The following TRIM26 variants were observed in gnomAD, a reference collection of about 807,000 sequenced individuals.
TRIM26 encodes tripartite motif-containing protein 26.
In TRIM26, 16 loss-of-function variants were observed where a neutral mutation model predicts 45.5. That is an observed-to-expected ratio of 0.35 (90% CI 0.24 to 0.53). The LOEUF (loss-of-function observed/expected upper bound fraction) is 0.53, where lower values mean the gene tolerates loss of function less well. Among genes scored for constraint, TRIM26 ranks in the 20% least tolerant of loss-of-function variants. The pLI, the probability that TRIM26 is intolerant of heterozygous loss-of-function variation, is 0.92. For missense variants in TRIM26, 442 were observed against 691.1 expected (o/e 0.64, Z 4.04); for synonymous variants, 273 against 290.4 (o/e 0.94, Z 0.61).
At chr6:30,203,193 A>G (rs1117487) in intron 2 of TRIM26, among the ~76,000 whole-genome samples, 35,356 of 151,410 alleles carry the variant, frequency 0.23, 4,691 homozygotes, top group African/African-American at 0.35. Context: ...ACAGGTGCAT[A>G]CTACCACACT....
intron 1 of TRIM26, among the ~76,000 whole-genome samples, chr6:30,212,786 CCA>C (rs1467106928): frequency 6.6e-6 from 1 of 151,956 alleles, no homozygotes; most frequent in African/African-American, 2.4e-5. Flanking sequence ...CCCATTTACT[CCA>C]CAGAGTTAAA....
chr6:30,185,874 G>A lies in TRIM26; in HGVS notation c.*2C>T. On this transcript the variant is annotated 3_prime_UTR_variant, in exon 10 of 10. Coordinates refer to ENST00000454678, the MANE Select transcript of TRIM26 (RefSeq NM_003449.5). This position sits in a 1 kb window ranked among gnomAD's most constrained non-coding sequence, Gnocchi z 5.7. ...GTTGGGGCTGGGGGCAGATGTCAGG[G>A]CTCAGGGTCTTAGCAGGAGGCGTGT... 1 of 1,608,460 alleles carries A rather than the reference G, an allele frequency of 6.2e-7. No individual in the cohort carries two copies. The highest frequency in any genetic ancestry group is 8.5e-7 in the Non-Finnish European group (1 of 1,177,186).
chr6:30,211,599 G>A (rs895341374), intron 1 of TRIM26, among the ~76,000 whole-genome samples: 1 of 152,136 alleles, frequency 6.6e-6, no homozygotes, highest in African/African-American at 2.4e-5. Context: ...CTTAACAAGG[G>A]GAAAATATTT....
At chr6:30,194,875 G>A (rs539849959) in intron 6 of TRIM26, among the ~76,000 whole-genome samples, 1 of 152,276 alleles carries the variant, frequency 6.6e-6, no homozygotes, top group Non-Finnish European at 1.5e-5. Flanking sequence ...CAGCCTGGGA[G>A]ACAGAGCGAG....
Position 30,185,888 on chromosome 6 carries a change from C to G in TRIM26, c.1608G>C (p.Leu536=), listed in dbSNP as rs199881783. 195 of 1,611,680 alleles carry G rather than the reference C, an allele frequency of 1.2e-4. 2 individuals carry two copies. The highest frequency in any genetic ancestry group is 8.5e-4 in the South Asian group (77 of 90,878). Residue 536 remains leucine (L), a synonymous_variant, in exon 10 of 10, where the codon CTG becomes CTC. Coordinates refer to ENST00000454678, the MANE Select transcript of TRIM26 (RefSeq NM_003449.5). The surrounding 1 kb of genome is among the most constrained non-coding windows in gnomAD (Gnocchi z 5.7). ...CAGATGTCAGGGCTCAGGGTCTTAGCAGGAGGCGTGTTCCTGGCCACTTGA... is the reference window on the plus strand; with the variant it reads ...CAGATGTCAGGGCTCAGGGTCTTAGGAGGAGGCGTGTTCCTGGCCACTTGA... ...LWLKWPGTRL[L]LRP is the part of the protein sequence containing the mutation.
At chr6:30,205,337 TC>T (rs1168013205) in intron 1 of TRIM26, among the ~76,000 whole-genome samples, 1 of 152,142 alleles carries the variant, frequency 6.6e-6, no homozygotes, top group African/African-American at 2.4e-5. Flanking sequence ...CCTGGTACCC[TC>T]CTCACAGGCA....
At chr6:30,187,361 C>T (rs1476946061) in intron 9 of TRIM26, 2 of 329,770 alleles carry the variant, frequency 6.1e-6, no homozygotes, top group Non-Finnish European at 1.3e-5. Flanking sequence ...TTCAGGCATT[C>T]GGCAACTCCT....
rs1775758524 is a variant in TRIM26 at position 30,190,875 on chromosome 6, C to T, written c.766-840G>A. 6.6e-6 allele frequency among the ~76,000 whole-genome samples: 1 copy of T among 152,154 alleles called. No homozygotes were observed. The highest frequency in any genetic ancestry group is 6.5e-5 in the Admixed American group (1 of 15,284). On this transcript the variant is annotated intron_variant, in intron 6 of 9. Transcript: ENST00000454678. The surrounding 1 kb of genome is among the most constrained non-coding windows in gnomAD (Gnocchi z 4.3). ...GCTACTGTGATAGCTCTAGACCCTG[C>T]ACCTCTGAACTGTTAACTGAGGCAG...
chr6:30,186,646 T>C lies in TRIM26; in HGVS notation c.938-88A>G. The C allele has an allele frequency of 6.3e-6, 9 of 1,426,850 alleles. No homozygotes were observed. The highest frequency in any genetic ancestry group is 7.4e-6 in the Non-Finnish European group (8 of 1,085,022). The allele number at this position is 1,426,850 out of a possible 1,614,324, so 88.4% of individuals were successfully genotyped here. On this transcript the variant is annotated intron_variant, in intron 9 of 9. Coordinates refer to ENST00000454678, the MANE Select transcript of TRIM26 (RefSeq NM_003449.5). The surrounding 1 kb of genome is among the most constrained non-coding windows in gnomAD (Gnocchi z 7.4). Reference sequence around the variant, plus strand: ...AGGGAATAAAATTTATTTTGGCAGATAGCGTTAAACAAAATTAAAGTTGCA... The same window carrying C: ...AGGGAATAAAATTTATTTTGGCAGACAGCGTTAAACAAAATTAAAGTTGCA...
In TRIM26 at chr6:30,209,124, G is replaced by A. The variant is rs1778027928; in HGVS notation, c.-376+4181C>T. Among the ~76,000 whole-genome samples the A allele has an allele frequency of 6.6e-6, 1 of 152,050 alleles. No individual in the cohort carries two copies. The highest frequency in any genetic ancestry group is 2.4e-5 in the African/African-American group (1 of 41,372). ...CCAGCTTCTGTTCTTCTTTCCCTTG[G>A]TAACTTACCATCTATGAGTTAGTGA... On this transcript the variant is annotated intron_variant, in intron 1 of 9. Transcript: ENST00000454678. The surrounding 1 kb of genome is among the most constrained non-coding windows in gnomAD (Gnocchi z 4.8).
chr6:30,198,834 T>C lies in TRIM26; in HGVS notation c.270A>G (p.Gly90=). The change falls in exon 4 of 10, where the codon GGA becomes GGG. Residue 90 remains glycine, a synonymous_variant. Transcript: ENST00000454678. This position sits in a 1 kb window ranked among gnomAD's most constrained non-coding sequence, Gnocchi z 6.3. ...CATCCTGCTGCTCCCGGGTCACCTC[T>C]CCCGGCTGCCTGCCCTTGTCCACCT... ...RLKVDKGRQP[G]EVTREQQDAK... The C allele has an allele frequency of 6.2e-7, 1 of 1,612,658 alleles. No individual in the cohort carries two copies. The highest frequency in any genetic ancestry group is 8.5e-7 in the Non-Finnish European group (1 of 1,179,984).
chr6:30,193,069 T>TATATATGTATATATAC (rs1364737777), intron 6 of TRIM26, among the ~76,000 whole-genome samples: 10 of 142,520 alleles, frequency 7.0e-5, no homozygotes, highest in Admixed American at 2.9e-4. Context: ...GTAGTATATA[T>TATATATGTATATATAC]ATATATATGT....
At chr6:30,191,281 G>A (rs1319564791) in intron 6 of TRIM26, among the ~76,000 whole-genome samples, 1 of 151,908 alleles carries the variant, frequency 6.6e-6, no homozygotes, top group Non-Finnish European at 1.5e-5. Context: ...ATTCCCTTTT[G>A]TGAGTCAAAA....
intron 1 of TRIM26, among the ~76,000 whole-genome samples, chr6:30,212,214 C>T (rs1193355622): frequency 1.3e-5 from 2 of 152,196 alleles, no homozygotes; most frequent in Non-Finnish European, 2.9e-5. Context: ...CTACAACATA[C>T]ACGACCAGTA....
chr6:30,192,343 C>T (rs1775938907), intron 6 of TRIM26, among the ~76,000 whole-genome samples: 1 of 152,130 alleles, frequency 6.6e-6, no homozygotes, highest in African/African-American at 2.4e-5. Context: ...AAGCATGCCA[C>T]CTGATCCTGC....
At position 30,199,031 on chromosome 6, in the gene TRIM26, C is replaced by T; in HGVS notation, c.73G>A (p.Asp25Asn). Residue 25 changes from aspartate to asparagine, a missense_variant, in exon 4 of 10, where the codon GAC becomes AAC. Coordinates refer to ENST00000454678, the MANE Select transcript of TRIM26 (RefSeq NM_003449.5). ...TCSICLDYLR[D>N]PVTIDCGHVF... ...TGGCCACAGTCAATGGTCACAGGGT[C>T]CCGCAGGTAATCAAGACAGATGGAG... 1 of 1,608,450 alleles carries T rather than the reference C, an allele frequency of 6.2e-7. No homozygotes were observed. The highest frequency in any genetic ancestry group is 8.5e-7 in the Non-Finnish European group (1 of 1,176,642).
rs977520263 is a variant in TRIM26, at chr6:30,196,854, G to A, written c.535-108C>T. 8 of 1,047,802 alleles carry A rather than the reference G, an allele frequency of 7.6e-6. No individual in the cohort carries two copies. The highest frequency in any genetic ancestry group is 1.1e-5 in the Non-Finnish European group (8 of 713,258). The allele number at this position is 1,047,802 out of a possible 1,614,324, so 64.9% of individuals were successfully genotyped here. On this transcript the variant is annotated intron_variant, in intron 5 of 9. Transcript: ENST00000454678. The surrounding 1 kb of genome is among the most constrained non-coding windows in gnomAD (Gnocchi z 4.9). Reference sequence around the variant, plus strand: ...CGTTCACCTCGCTACCCCCGTTCAGGAATTCTACAGGATCTGGAGTGGGAG... The same window carrying A: ...CGTTCACCTCGCTACCCCCGTTCAGAAATTCTACAGGATCTGGAGTGGGAG...
At chr6:30,192,904 G>C (rs992282506) in intron 6 of TRIM26, among the ~76,000 whole-genome samples, 2 of 151,668 alleles carry the variant, frequency 1.3e-5, no homozygotes, top group African/African-American at 4.9e-5. Context: ...ATTTATTAAA[G>C]AGACTGTCCC....
chr6:30,185,933 G>A lies in TRIM26; in HGVS notation c.1563C>T (p.Arg521=). The A allele has an allele frequency of 6.2e-7, 1 of 1,613,062 alleles. No homozygotes were observed. The highest frequency in any genetic ancestry group is 8.5e-7 in the Non-Finnish European group (1 of 1,180,004). ...ACTTGAGCCACAGGAAGGGGACCAG[G>A]CGCCGGGTGAAGGTGGCAGTGAAGG... The part of the protein sequence containing the change: ...IYTFTATFTR[R]LVPFLWLKWP... Residue 521 remains arginine, a synonymous_variant, in exon 10 of 10, where the codon CGC becomes CGT. Transcript: ENST00000454678. This position sits in a 1 kb window ranked among gnomAD's most constrained non-coding sequence, Gnocchi z 5.7.
Sources: allele counts gnomAD v4.1 joint callset (sites outside exome capture counted in the v4.1 genomes callset), GRCh38; gene constraint gnomAD v4.1.1; non-coding constraint Gnocchi (gnomAD v3.1); transcripts MANE v1.5; gene names NCBI Gene and HGNC (gene_info 2026-07-23, HGNC 2026-07-21).